NDST4: variants seen among roughly 807,000 people sequenced by gnomAD.
The protein encoded by NDST4 is N-deacetylase and N-sulfotransferase 4, also known as N-heparan sulfate sulfotransferase 4.
NDST4 carries 63 observed loss-of-function variants against 100.8 expected under a neutral mutation model. That is an observed-to-expected ratio of 0.62 (90% CI 0.51 to 0.77). The LOEUF is 0.77. Among genes scored for constraint, NDST4 ranks in the 30% least tolerant of loss-of-function variants. The pLI, the probability that NDST4 is intolerant of heterozygous loss-of-function variation, is 0.00. For synonymous variants in NDST4, 377 were observed against 361.8 expected (o/e 1.04, Z -0.48); for missense variants, 943 against 1,018.4 (o/e 0.93, Z 1.01).
chr4:114,867,914 C>T (rs1037197778), intron 7 of NDST4, among the ~76,000 whole-genome samples: 3 of 152,002 alleles, frequency 2.0e-5, no homozygotes, highest in African/African-American at 7.2e-5. Flanking sequence ...AGCACAAATG[C>T]GTTTTGTGCT....
intron 6 of NDST4, among the ~76,000 whole-genome samples, chr4:114,883,399 T>C (rs1047522978): frequency 2.0e-5 from 3 of 152,074 alleles, no homozygotes; most frequent in Admixed American, 1.3e-4. Context: ...TTGTCTATGT[T>C]AGTTTAAAAT....
intron 2 of NDST4, among the ~76,000 whole-genome samples, chr4:114,987,886 G>A (rs886093112): frequency 5.9e-5 from 9 of 152,138 alleles, no homozygotes; most frequent in African/African-American, 2.2e-4. Context: ...GTCTTTTGGG[G>A]TCATGATCTC....
chr4:114,966,309 T>G (rs1726381519), intron 4 of NDST4, among the ~76,000 whole-genome samples: 1 of 151,994 alleles, frequency 6.6e-6, no homozygotes, highest in African/African-American at 2.4e-5. Context: ...TGTGTATGGA[T>G]GAAGCAATAA....
intron 1 of NDST4, among the ~76,000 whole-genome samples, chr4:115,106,731 A>C (rs1303512291): frequency 6.6e-6 from 1 of 152,170 alleles, no homozygotes; most frequent in African/African-American, 2.4e-5. Context: ...TAAGAATTAC[A>C]TCGATCTTCA....
chr4:114,879,020 T>C (rs11098273), intron 6 of NDST4, among the ~76,000 whole-genome samples: 11,819 of 151,990 alleles, frequency 0.078, 511 homozygotes, highest in African/African-American at 0.11. Context: ...AGTCTTTACG[T>C]TATTTTTAGG....
At chr4:114,864,836 G>T (rs1454793053) in intron 7 of NDST4, among the ~76,000 whole-genome samples, 1 of 152,150 alleles carries the variant, frequency 6.6e-6, no homozygotes, top group Non-Finnish European at 1.5e-5. Flanking sequence ...GGTAGGACTG[G>T]ATGGAAAGGA....
chr4:114,971,644 A>G (rs1726517124), intron 3 of NDST4, among the ~76,000 whole-genome samples: 1 of 152,114 alleles, frequency 6.6e-6, no homozygotes, highest in South Asian at 2.1e-4. Flanking sequence ...TTCTCTCACA[A>G]AAGAATATGT....
At chr4:114,998,670 T>C (rs182465231) in intron 2 of NDST4, among the ~76,000 whole-genome samples, 22 of 152,218 alleles carry the variant, frequency 1.4e-4, no homozygotes, top group Admixed American at 3.9e-4. Flanking sequence ...GGTCTGACTA[T>C]AGTTTTGCAA....
intron 6 of NDST4, among the ~76,000 whole-genome samples, chr4:114,915,582 C>A (rs960847442): frequency 8.5e-5 from 13 of 152,056 alleles, no homozygotes. Context: ...TTTTCTTTAA[C>A]ACAGAAAACA....
At chr4:115,024,870 G>A (rs935615793) in intron 2 of NDST4, among the ~76,000 whole-genome samples, 4 of 152,172 alleles carry the variant, frequency 2.6e-5, no homozygotes, top group African/African-American at 7.2e-5. Flanking sequence ...GAAATTATTA[G>A]GCCATCAGGG....
chr4:114,877,551 T>C (rs1353501936), intron 6 of NDST4, among the ~76,000 whole-genome samples: 3 of 152,168 alleles, frequency 2.0e-5, no homozygotes, highest in Non-Finnish European at 1.5e-5. Flanking sequence ...CTAAGAAATG[T>C]GTTCTATAAA....
At chr4:115,102,691 T>C (rs148357930) in intron 1 of NDST4, among the ~76,000 whole-genome samples, 37 of 147,176 alleles carry the variant, frequency 2.5e-4, no homozygotes, top group African/African-American at 6.5e-4. Flanking sequence ...ATATACCATA[T>C]ACTTCTGACT....
At chr4:115,015,985 A>G (rs901178443) in intron 2 of NDST4, among the ~76,000 whole-genome samples, 7 of 151,994 alleles carry the variant, frequency 4.6e-5, no homozygotes, top group Non-Finnish European at 1.5e-5. Context: ...TTCTTACTGA[A>G]ATAGACATTC....
intron 2 of NDST4, among the ~76,000 whole-genome samples, chr4:115,052,441 A>C (rs903171686): frequency 2.0e-5 from 3 of 152,178 alleles, no homozygotes; most frequent in African/African-American, 7.2e-5. Context: ...CTGCCACCCA[A>C]ATCTTATCTC....
chr4:114,935,442 T>C lies in NDST4; in HGVS notation c.1408-108A>G, dbSNP rs116395387. 1,136 of 1,140,578 alleles carry C rather than the reference T, an allele frequency of 1.0e-3. 10 individuals are homozygous for C. In the African/African-American group the frequency reaches 0.016, roughly 16 times the overall value. 70.7% of individuals were successfully genotyped at this position (1,140,578 alleles called of 1,614,324 possible). ...AATTGTAATTTCCTATTGGATTTTC[T>C]TGGTTGCTAAGGCCAAATCTTATTA... On this transcript the variant is annotated intron_variant, in intron 5 of 13. Transcript: ENST00000264363.
At chr4:115,080,985 C>A (rs745475066) in intron 1 of NDST4, among the ~76,000 whole-genome samples, 10 of 151,850 alleles carry the variant, frequency 6.6e-5, no homozygotes, top group Non-Finnish European at 1.3e-4. Context: ...TTGGTTTAAT[C>A]TTTACTTCTT....
chr4:115,057,693 C>A (rs530238420), intron 2 of NDST4, among the ~76,000 whole-genome samples: 1 of 145,540 alleles, frequency 6.9e-6, no homozygotes, highest in African/African-American at 2.6e-5. Flanking sequence ...CTTAGCTATG[C>A]GTGCGCACGC....
chr4:115,078,609 G>A (rs1432000906), intron 1 of NDST4, among the ~76,000 whole-genome samples: 10 of 152,068 alleles, frequency 6.6e-5, no homozygotes, highest in Non-Finnish European at 1.5e-4. Context: ...TTCAAGAAGT[G>A]GTGGGTGGAT....
chr4:114,932,147 C>A (rs1725529207), intron 6 of NDST4, among the ~76,000 whole-genome samples: 1 of 151,852 alleles, frequency 6.6e-6, no homozygotes, highest in Non-Finnish European at 1.5e-5. Context: ...TAATACACCA[C>A]AATCATGTGG....
Sources: allele counts gnomAD v4.1 joint callset (sites outside exome capture counted in the v4.1 genomes callset), GRCh38; gene constraint gnomAD v4.1.1; transcripts MANE v1.5; gene names NCBI Gene and HGNC (gene_info 2026-07-23, HGNC 2026-07-21).